Variants in FOXO1 observed in about 807,000 individuals in gnomAD.
FOXO1 encodes the protein forkhead box O1.
FOXO1 carries 6 observed loss-of-function variants against 44.1 expected under a neutral mutation model. The observed-to-expected ratio is 0.14, with a 90% CI of 0.07 to 0.27. The LOEUF (loss-of-function observed/expected upper bound fraction) is 0.27. Among genes scored for constraint, FOXO1 ranks in the 10% least tolerant of loss-of-function variants. The pLI is 1.00. For synonymous variants in FOXO1, 380 were observed against 362.7 expected (o/e 1.05, Z -0.54); for missense variants, 737 against 888.8 (o/e 0.83, Z 2.17).
chr13:40,645,039 A>C (rs1379998368), intron 1 of FOXO1, among the ~76,000 whole-genome samples: 2 of 152,228 alleles, frequency 1.3e-5, no homozygotes, highest in South Asian at 2.1e-4. Context: ...GCTCAATGAC[A>C]ACAGCTGGTG....
intron 1 of FOXO1, among the ~76,000 whole-genome samples, chr13:40,584,573 G>A (rs1039671443): frequency 7.3e-5 from 11 of 149,962 alleles, no homozygotes; most frequent in East Asian, 1.9e-4. Context: ...ACCTGAGCCC[G>A]GGTAGGTTGA....
At chr13:40,580,613 A>G (rs1342901174) in intron 1 of FOXO1, among the ~76,000 whole-genome samples, 1 of 152,220 alleles carries the variant, frequency 6.6e-6, no homozygotes, top group African/African-American at 2.4e-5. Context: ...TATTATGGGC[A>G]CAAAATCTCA....
chr13:40,619,054 AGT>A, intron 1 of FOXO1: 1 of 469,626 alleles, frequency 2.1e-6, no homozygotes, highest in Non-Finnish European at 4.2e-6. Context: ...TGGGAGGCTG[AGT>A]GGGTGGATCA....
rs564724561 is a variant in FOXO1 at position 40,614,238 on chromosome 13, G to A, written c.630+51345C>T. Among the ~76,000 whole-genome samples, 7 of 152,262 alleles carry A rather than the reference G, an allele frequency of 4.6e-5. No individual in the cohort carries two copies. The South Asian group carries it at 1.0e-3, about 23-fold the overall frequency. ...GTTTGCTGTGTGCTTGCTTCTCATCGTCTTCGTCTCCTCTAGCAGCTGGAA... is the reference window on the plus strand; with the variant it reads ...GTTTGCTGTGTGCTTGCTTCTCATCATCTTCGTCTCCTCTAGCAGCTGGAA... On this transcript the variant is annotated intron_variant, in intron 1 of 2. Coordinates refer to ENST00000379561, the MANE Select transcript of FOXO1 (RefSeq NM_002015.4).
intron 1 of FOXO1, among the ~76,000 whole-genome samples, chr13:40,581,554 A>G (rs1262389400): frequency 6.6e-6 from 1 of 152,206 alleles, no homozygotes; most frequent in Admixed American, 6.5e-5. Flanking sequence ...AATCCTCATT[A>G]AGCTGTTATT....
At chr13:40,564,807 C>T (rs1874199374) in intron 1 of FOXO1, among the ~76,000 whole-genome samples, 1 of 152,176 alleles carries the variant, frequency 6.6e-6, no homozygotes, top group African/African-American at 2.4e-5. Context: ...CCAATCTCCT[C>T]TCCACTAGCT....
intron 1 of FOXO1, among the ~76,000 whole-genome samples, chr13:40,602,525 AAAAG>A (rs1167647451): frequency 2.6e-5 from 4 of 152,218 alleles, no homozygotes; most frequent in African/African-American, 4.8e-5. Context: ...GTACCCGAAA[AAAAG>A]AAAGAAATTC....
chr13:40,568,101 G>T (rs181016468), intron 1 of FOXO1, among the ~76,000 whole-genome samples: 1 of 152,310 alleles, frequency 6.6e-6, no homozygotes, highest in Non-Finnish European at 1.5e-5. Context: ...GGGACTCACA[G>T]GGAAAGCGGA....
Position 40,560,108 on chromosome 13 carries a change from G to A in FOXO1, c.1383C>T (p.Leu461=), listed in dbSNP as rs1397564693. The change falls in exon 2 of 3, where the codon CTC becomes CTT. Residue 461 remains leucine, a synonymous_variant. Coordinates refer to ENST00000379561, the MANE Select transcript of FOXO1 (RefSeq NM_002015.4). This position sits in a 1 kb window ranked among gnomAD's most constrained non-coding sequence, Gnocchi z 5.1. ...AGTCAGAAGTCAGCAACTCCTTCAA[G>A]AGTCCAGGCGCACAGTTATACTGAC... ...GMSQYNCAPG[L]LKELLTSDSP... is the part of the protein sequence containing the mutation. 1.2e-6 allele frequency: 2 copies of A among 1,614,140 alleles called. No individual in the cohort carries two copies.
chr13:40,610,188 G>A (rs984648094), intron 1 of FOXO1, among the ~76,000 whole-genome samples: 7 of 152,076 alleles, frequency 4.6e-5, no homozygotes, highest in Non-Finnish European at 7.4e-5. Context: ...AAGGACATCC[G>A]GGGTGCTTTT....
chr13:40,595,373 C>G (rs1875538319), intron 1 of FOXO1, among the ~76,000 whole-genome samples: 1 of 152,176 alleles, frequency 6.6e-6, no homozygotes, highest in Non-Finnish European at 1.5e-5. Context: ...CATCAGGGAT[C>G]TATCTATCCT....
intron 1 of FOXO1, among the ~76,000 whole-genome samples, chr13:40,663,214 A>C (rs954172785): frequency 1.3e-5 from 2 of 152,178 alleles, no homozygotes; most frequent in African/African-American, 4.8e-5. Flanking sequence ...AATAAATTTA[A>C]AAAAAAACTA....
intron 1 of FOXO1, among the ~76,000 whole-genome samples, chr13:40,599,152 C>A (rs1486092644): frequency 6.6e-6 from 1 of 151,180 alleles, no homozygotes; most frequent in Non-Finnish European, 1.5e-5. Context: ...ACAAGTATAT[C>A]CACATTAAAC....
chr13:40,645,303 G>A (rs1463605790), intron 1 of FOXO1, among the ~76,000 whole-genome samples: 1 of 152,118 alleles, frequency 6.6e-6, no homozygotes, highest in African/African-American at 2.4e-5. Context: ...ACACTATGAA[G>A]GTAGTAAAAC....
At chr13:40,658,446 G>A (rs1877929863) in intron 1 of FOXO1, among the ~76,000 whole-genome samples, 1 of 152,130 alleles carries the variant, frequency 6.6e-6, no homozygotes, top group Admixed American at 6.5e-5. Context: ...TGAGGGCAGG[G>A]GGAAATACAG....
rs9566550 is a variant in FOXO1, at chr13:40,580,405, C to T, written c.631-19545G>A. On this transcript the variant is annotated intron_variant, in intron 1 of 2. Coordinates refer to ENST00000379561, the MANE Select transcript of FOXO1 (RefSeq NM_002015.4). ...TTACACAAAACTAGTGGCTGAGGAG[C>T]GTGGGCTTGCTGTCACACAAACCTG... 1.1e-3 allele frequency among the ~76,000 whole-genome samples: 163 copies of T among 152,198 alleles called. 4 individuals carry two copies. The East Asian group carries it at 0.019, about 18-fold the overall frequency.
intron 1 of FOXO1, among the ~76,000 whole-genome samples, chr13:40,638,301 T>C (rs935345775): frequency 6.6e-6 from 1 of 152,056 alleles, no homozygotes; most frequent in South Asian, 2.1e-4. Flanking sequence ...GGCATCACCA[T>C]CATCACCATA....
chr13:40,621,309 C>A, intron 1 of FOXO1: 1 of 698,326 alleles, frequency 1.4e-6, no homozygotes, highest in South Asian at 2.3e-5. Flanking sequence ...TCCGATCTGT[C>A]AGCAGCCTGT....
intron 1 of FOXO1, among the ~76,000 whole-genome samples, chr13:40,634,065 CACTTT>C (rs1877062403): frequency 6.6e-6 from 1 of 152,188 alleles, no homozygotes; most frequent in Admixed American, 6.5e-5. Flanking sequence ...CTGGATGAGG[CACTTT>C]ACAATCTAGT....
Sources: gnomAD v4.1 joint callset for allele counts (sites outside exome capture counted in the v4.1 genomes callset) on GRCh38, gnomAD v4.1.1 for gene constraint, Gnocchi (gnomAD v3.1) non-coding constraint, MANE v1.5 for transcripts, NCBI Gene and HGNC (gene_info 2026-07-23, HGNC 2026-07-21) for gene names.